Variants in TMEM108 observed in about 807,000 individuals in gnomAD.
TMEM108 encodes cancer/testis antigen 124.
In TMEM108, 12 loss-of-function variants were observed where a neutral mutation model predicts 35.1. The ratio of observed to expected loss-of-function variants is 0.34; its 90% confidence interval spans 0.22 to 0.55. TMEM108 has a LOEUF of 0.55. Ranked by LOEUF, TMEM108 falls within the 20% of genes least tolerant of loss-of-function variation. The pLI is 0.89. For missense variants in TMEM108, 680 were observed against 753.3 expected (o/e 0.90, Z 1.14); for synonymous variants, 287 against 308.6 (o/e 0.93, Z 0.73).
intron 3 of TMEM108, among the ~76,000 whole-genome samples, chr3:133,288,789 G>A (rs960600041): frequency 6.6e-6 from 1 of 152,128 alleles, no homozygotes; most frequent in African/African-American, 2.4e-5. Context: ...ATCCAGGCTG[G>A]AGTGCAGTGG....
rs145600260 is a variant in TMEM108 at position 133,103,646 on chromosome 3, G to A, written c.-47+57626G>A. ...TATAGTGAGCATAGTTGTTGGTGTG[G>A]CAGTGTTCTTCCATAAACACCCCTC... On this transcript the variant is annotated intron_variant, in intron 2 of 5. Coordinates refer to ENST00000321871, the MANE Select transcript of TMEM108 (RefSeq NM_023943.4). Among the ~76,000 whole-genome samples the A allele has an allele frequency of 1.1e-3, 162 of 152,248 alleles. 1 individual carries two copies. Among genetic ancestry groups the A allele is most frequent in the Non-Finnish European group, 1.6e-3 (108 of 68,018 alleles).
chr3:133,044,260 G>C (rs961915887), intron 1 of TMEM108, among the ~76,000 whole-genome samples: 1 of 151,944 alleles, frequency 6.6e-6, no homozygotes, highest in Non-Finnish European at 1.5e-5. Flanking sequence ...TGAGATTTTG[G>C]GGGCATGATT....
chr3:133,069,989 C>T (rs1943657524), intron 2 of TMEM108, among the ~76,000 whole-genome samples: 1 of 152,158 alleles, frequency 6.6e-6, no homozygotes, highest in South Asian at 2.1e-4. Flanking sequence ...TCAGAGCCCA[C>T]TGCTGCATTT....
intron 2 of TMEM108, among the ~76,000 whole-genome samples, chr3:133,169,950 A>G (rs1236387810): frequency 5.3e-5 from 8 of 152,208 alleles, no homozygotes; most frequent in Non-Finnish European, 8.8e-5. Context: ...GGGATCAGAT[A>G]CTATCATTTT....
At chr3:133,200,826 A>G (rs1945651905) in intron 2 of TMEM108, among the ~76,000 whole-genome samples, 1 of 152,186 alleles carries the variant, frequency 6.6e-6, no homozygotes, top group South Asian at 2.1e-4. Context: ...TAGCTGTTTA[A>G]ATGTAAATGA....
chr3:133,350,718 G>C (rs1264785968), intron 3 of TMEM108, among the ~76,000 whole-genome samples: 1 of 152,160 alleles, frequency 6.6e-6, no homozygotes, highest in Non-Finnish European at 1.5e-5. Flanking sequence ...AGATTCGGCA[G>C]TAATTCCAGG....
chr3:133,160,758 A>G (rs1944949769), intron 2 of TMEM108, among the ~76,000 whole-genome samples: 1 of 152,222 alleles, frequency 6.6e-6, no homozygotes. Context: ...CAGCCCAGCC[A>G]TCCTGCTCCA....
intron 3 of TMEM108, among the ~76,000 whole-genome samples, chr3:133,334,603 C>A (rs1368040760): frequency 5.3e-5 from 8 of 152,084 alleles, no homozygotes; most frequent in Admixed American, 5.2e-4. Context: ...TGTTGCCCTT[C>A]CTCACTCCTT....
intron 2 of TMEM108, 82 bp from the exon 3 acceptor site, chr3:133,229,184 C>T: frequency 1.1e-6 from 1 of 873,534 alleles, no homozygotes; most frequent in East Asian, 2.6e-5. Context: ...GCATTATAAC[C>T]AAGATCCTAT....
intron 2 of TMEM108, among the ~76,000 whole-genome samples, chr3:133,052,173 G>GT (rs1943413275): frequency 6.6e-6 from 1 of 152,060 alleles, no homozygotes; most frequent in Non-Finnish European, 1.5e-5. Context: ...GAGTTTTGTA[G>GT]TTTTCCTCAT....
At position 133,380,073 on chromosome 3, in the gene TMEM108, C is replaced by A. The variant is rs747984577; in HGVS notation, c.362C>A (p.Ala121Asp). The A allele has an allele frequency of 3.7e-6, 6 of 1,614,036 alleles. No individual in the cohort carries two copies. The South Asian group carries it at 6.6e-5, about 18-fold the overall frequency. Residue 121 changes from alanine to aspartate, a missense_variant, in exon 4 of 6, where the codon GCC becomes GAC. Around this residue, in one of 3 missense-constraint regions of TMEM108, gnomAD observed 526 missense variants for 532.1 expected, o/e 0.99. Transcript: ENST00000321871. The surrounding 1 kb of genome is among the most constrained non-coding windows in gnomAD (Gnocchi z 5.3). ...SSLSTGPAPA[A>D]MATTSSKPEG... ...CTGTCCACAGGGCCCGCTCCAGCAGCCATGGCAACCACATCCTCCAAGCCA... is the reference window on the plus strand; with the variant it reads ...CTGTCCACAGGGCCCGCTCCAGCAGACATGGCAACCACATCCTCCAAGCCA...
chr3:133,122,862 C>CAAAA, intron 2 of TMEM108, among the ~76,000 whole-genome samples: 1 of 104,402 alleles, frequency 9.6e-6, no homozygotes, highest in East Asian at 2.8e-4. Flanking sequence ...GACTCCATCT[C>CAAAA]AAAAAAAAAA....
At chr3:133,150,738 G>A (rs1028792242) in intron 2 of TMEM108, among the ~76,000 whole-genome samples, 2 of 152,148 alleles carry the variant, frequency 1.3e-5, no homozygotes, top group Non-Finnish European at 2.9e-5. Flanking sequence ...CTAAACTGAG[G>A]TGAGATCAGA....
chr3:133,390,318 C>A lies in TMEM108; in HGVS notation c.1589C>A (p.Ser530Tyr). Residue 530 changes from serine to tyrosine, a missense_variant, in exon 5 of 6, where the codon TCC becomes TAC. Ser to Tyr is a moderately radical substitution (Grantham distance 144, BLOSUM62 -2). Transcript: ENST00000321871. Reference sequence around the variant, plus strand: ...GTGGAGCTGCCCAGGGAGATCCAGTCCCTTGAAACCTCTGAGGTAATGAGC... The same window carrying A: ...GTGGAGCTGCCCAGGGAGATCCAGTACCTTGAAACCTCTGAGGTAATGAGC... ...HAVELPREIQ[S>Y]LETSEDQLSE... is the part of the protein sequence containing the mutation. The A allele has an allele frequency of 6.2e-7, 1 of 1,614,154 alleles. No individual in the cohort carries two copies. The highest frequency in any genetic ancestry group is 1.1e-5 in the South Asian group (1 of 91,074).
intron 2 of TMEM108, among the ~76,000 whole-genome samples, chr3:133,147,561 T>C (rs989868308): frequency 1.3e-5 from 2 of 152,222 alleles, no homozygotes. Flanking sequence ...TTCATGTCCT[T>C]TGCCCACTTT....
intron 2 of TMEM108, among the ~76,000 whole-genome samples, chr3:133,228,318 A>G (rs975774405): frequency 6.6e-6 from 1 of 152,228 alleles, no homozygotes; most frequent in African/African-American, 2.4e-5. Flanking sequence ...CAAATGACCA[A>G]TAAACATAAA....
chr3:133,307,964 T>C (rs1259707470), intron 3 of TMEM108, among the ~76,000 whole-genome samples: 1 of 152,200 alleles, frequency 6.6e-6, no homozygotes, highest in Non-Finnish European at 1.5e-5. Context: ...ATGGCCATTT[T>C]CACGATATTG....
At chr3:133,226,421 T>C (rs1946071900) in intron 2 of TMEM108, among the ~76,000 whole-genome samples, 1 of 152,198 alleles carries the variant, frequency 6.6e-6, no homozygotes, top group Non-Finnish European at 1.5e-5. Context: ...TTGGGTAAAA[T>C]ACTTTGATAT....
chr3:133,185,784 C>CTTTTCTTTTTTT (rs1441056931), intron 2 of TMEM108, among the ~76,000 whole-genome samples: 11 of 127,122 alleles, frequency 8.7e-5, no homozygotes, highest in South Asian at 8.3e-4. Context: ...CTTTTCTTTT[C>CTTTTCTTTTTTT]TTTTTTTTTT....
Sources: allele counts gnomAD v4.1 joint callset (sites outside exome capture counted in the v4.1 genomes callset), GRCh38; gene constraint gnomAD v4.1.1; regional missense constraint gnomAD v4.1.1; non-coding constraint Gnocchi (gnomAD v3.1); transcripts MANE v1.5; gene names NCBI Gene and HGNC (gene_info 2026-07-23, HGNC 2026-07-21).